Variants in MTNAP1 observed in about 807,000 individuals in gnomAD.
MTNAP1 encodes the protein mitochondrial nucleoid-associated protein 1.
chr17:73,244,973 A>G, the MTNAP1 span, among the ~76,000 whole-genome samples: 3 of 152,242 alleles, frequency 2.0e-5, no homozygotes, highest in Non-Finnish European at 4.4e-5. Context: ...AAGTTTTACC[A>G]GTCTGAAAGG....
At chr17:73,238,038 C>CA in the MTNAP1 span, among the ~76,000 whole-genome samples, 1 of 152,276 alleles carries the variant, frequency 6.6e-6, no homozygotes, top group Admixed American at 6.5e-5. Context: ...CGTTGAAACT[C>CA]ACCTTGATTA....
the MTNAP1 span, chr17:73,247,516 C>A: frequency 1.7e-6 from 1 of 586,896 alleles, no homozygotes; most frequent in Non-Finnish European, 3.0e-6. Flanking sequence ...AAAGTAGTAT[C>A]ACTTGTCATA....
the MTNAP1 span, among the ~76,000 whole-genome samples, chr17:73,238,861 AACCATGTTGTAGAAAATAC>A: frequency 1.2e-4 from 19 of 152,290 alleles, no homozygotes; most frequent in African/African-American, 4.6e-4. Context: ...TTTTCCACTA[AACCATGTTGTAGAAAATAC>A]ACCATAACTA....
chr17:73,237,120 G>A, the MTNAP1 span: 7 of 993,618 alleles, frequency 7.0e-6, no homozygotes, highest in Non-Finnish European at 1.0e-5. Flanking sequence ...AGGCATGCCA[G>A]TAGACTGCAT....
the MTNAP1 span, chr17:73,248,009 GA>G: frequency 6.4e-6 from 1 of 155,606 alleles, no homozygotes; most frequent in African/African-American, 2.5e-5. Flanking sequence ...AATAGTTTAA[GA>G]GCGTTGTTGA....
chr17:73,235,527 GA>G, the MTNAP1 span: 5 of 1,613,956 alleles, frequency 3.1e-6, no homozygotes, highest in Non-Finnish European at 4.2e-6. Flanking sequence ...CTTACTGTAA[GA>G]AGCCATTTAA....
chr17:73,232,538 T>C, the MTNAP1 span: 4 of 459,608 alleles, frequency 8.7e-6, no homozygotes, highest in Non-Finnish European at 1.5e-5. Flanking sequence ...AATTATGTCA[T>C]AATAATATCA....
At chr17:73,235,950 G>A in the MTNAP1 span, 12 of 1,614,092 alleles carry the variant, frequency 7.4e-6, no homozygotes, top group African/African-American at 1.2e-4. Flanking sequence ...CCAAAGATTT[G>A]CCTAAATCAG....
chr17:73,243,869 G>T, the MTNAP1 span, among the ~76,000 whole-genome samples: 278 of 152,182 alleles, frequency 1.8e-3, 1 homozygote, highest in African/African-American at 6.5e-3. Flanking sequence ...AAAAGGTCAG[G>T]TACCTAAGAA....
At chr17:73,236,753 C>T in the MTNAP1 span, 3 of 1,614,136 alleles carry the variant, frequency 1.9e-6, no homozygotes, top group Non-Finnish European at 2.5e-6. Flanking sequence ...TTCCAAGCAT[C>T]ACACACTGGG....
At chr17:73,246,899 G>T in the MTNAP1 span, among the ~76,000 whole-genome samples, 1 of 152,144 alleles carries the variant, frequency 6.6e-6, no homozygotes, top group Admixed American at 6.5e-5. Flanking sequence ...ATGCTCTTTA[G>T]GAGAGATGCT....
chr17:73,235,708 G>A, the MTNAP1 span: 1 of 1,614,036 alleles, frequency 6.2e-7, no homozygotes, highest in East Asian at 2.2e-5. Flanking sequence ...AGAGAATGAA[G>A]AAAGAAATTC....
At chr17:73,235,988 C>T in the MTNAP1 span, 5 of 1,614,166 alleles carry the variant, frequency 3.1e-6, no homozygotes, top group East Asian at 1.1e-4. Context: ...CCTTCAGAAG[C>T]TGGAGCGTCT....
At chr17:73,239,520 CTT>C in the MTNAP1 span, among the ~76,000 whole-genome samples, 1 of 141,514 alleles carries the variant, frequency 7.1e-6, no homozygotes. Context: ...CTTCAGACAT[CTT>C]TTTTTTTTTT....
At chr17:73,247,507 A>G in the MTNAP1 span, 1 of 613,624 alleles carries the variant, frequency 1.6e-6, no homozygotes, top group Admixed American at 3.0e-5. Context: ...GCTATAAATA[A>G]AGTAGTATCA....
the MTNAP1 span, among the ~76,000 whole-genome samples, chr17:73,246,784 G>C: frequency 1.3e-5 from 2 of 152,150 alleles, no homozygotes; most frequent in Non-Finnish European, 2.9e-5. Flanking sequence ...GTGGTTGAGG[G>C]GAAGAGTTCT....
At chr17:73,241,404 C>A in the MTNAP1 span, among the ~76,000 whole-genome samples, 1 of 152,040 alleles carries the variant, frequency 6.6e-6, no homozygotes, top group Admixed American at 6.5e-5. Context: ...GTGATCCACC[C>A]ACCTCAGCCT....
the MTNAP1 span, chr17:73,245,155 T>G: frequency 6.2e-7 from 1 of 1,613,704 alleles, no homozygotes; most frequent in Non-Finnish European, 8.5e-7. Context: ...CATTTGTCTC[T>G]GTTTATCCAA....
the MTNAP1 span, chr17:73,232,441 A>T: frequency 4.8e-6 from 5 of 1,041,082 alleles, no homozygotes; most frequent in African/African-American, 1.7e-5. Flanking sequence ...GGGAGAAAGG[A>T]CCTCCCCTGG....
Sources: gnomAD v4.1 joint callset for allele counts (sites outside exome capture counted in the v4.1 genomes callset) on GRCh38, gnomAD v4.1.1 for gene constraint, MANE v1.5 for transcripts, NCBI Gene and HGNC (gene_info 2026-07-23, HGNC 2026-07-21) for gene names.